The following RRAS2 variants were observed in gnomAD, a reference collection of about 807,000 sequenced individuals.
RRAS2 encodes the protein ras-related protein R-Ras2.
A neutral mutation model predicts 27.6 loss-of-function variants in RRAS2; 7 were observed. The ratio of observed to expected loss-of-function variants is 0.25; its 90% confidence interval spans 0.14 to 0.48. RRAS2 has a LOEUF of 0.48. RRAS2 is among the 20% of genes least tolerant of loss of function. The probability of loss-of-function intolerance (pLI) is 0.99; values close to 1 mark genes in which losing one functional copy is unlikely to be tolerated. For missense variants in RRAS2, 178 were observed against 256.2 expected (o/e 0.69, Z 2.08); for synonymous variants, 86 against 90.9 (o/e 0.95, Z 0.31).
chr11:14,289,142 C>T (rs1368708942), intron 4 of RRAS2, among the ~76,000 whole-genome samples: 1 of 152,128 alleles, frequency 6.6e-6, no homozygotes, highest in Non-Finnish European at 1.5e-5. Context: ...GTTCTTTTTC[C>T]TAGGAGGCTG....
chr11:14,359,640 T>C (rs181936448), upstream of RRAS2, among the ~76,000 whole-genome samples: 49 of 152,272 alleles, frequency 3.2e-4, no homozygotes, highest in African/African-American at 1.1e-3. Flanking sequence ...AATGGGACAG[T>C]GGCTGAGCAT....
In RRAS2 at chr11:14,303,525, C is replaced by T. The variant is rs527885515; in HGVS notation, c.109-7670G>A. On this transcript the variant is annotated intron_variant, in intron 1 of 5. Transcript: ENST00000256196. The stretch of plus-strand genomic sequence containing the variant: ...GCAGAGGCAGGAGGACTGCTTGAGC[C>T]CAGGAGTTTGAGACCGGCCTCAGCG... Among the ~76,000 whole-genome samples, 3 of 152,252 alleles carry T rather than the reference C, an allele frequency of 2.0e-5. No individual in the cohort carries two copies. In the South Asian group the frequency reaches 6.2e-4, roughly 32 times the overall value.
chr11:14,299,389 A>C (rs1456341935), intron 1 of RRAS2, among the ~76,000 whole-genome samples: 1 of 152,196 alleles, frequency 6.6e-6, no homozygotes, highest in African/African-American at 2.4e-5. Flanking sequence ...TACATAAGTA[A>C]AAACCCATCA....
At chr11:14,295,991 A>G (rs1424131956) in intron 1 of RRAS2, 136 bp from the exon 2 acceptor site, 3 of 634,156 alleles carry the variant, frequency 4.7e-6, no homozygotes, top group Admixed American at 2.8e-5. Context: ...TGGGCAACAC[A>G]GCAAGACTCT....
At chr11:14,317,078 G>A (rs1848124242) in intron 1 of RRAS2, among the ~76,000 whole-genome samples, 2 of 152,202 alleles carry the variant, frequency 1.3e-5, no homozygotes, top group Non-Finnish European at 2.9e-5. Flanking sequence ...TGTGGTAAGA[G>A]TAAATTTAGA....
chr11:14,303,110 A>C lies in RRAS2; in HGVS notation c.109-7255T>G, dbSNP rs554492388. On this transcript the variant is annotated intron_variant, in intron 1 of 5. Transcript: ENST00000256196. ...TTGCAATGCTTTCAACACTCCAACCAGAAAACAATCTCAATATTCTCTTAC... is the reference window on the plus strand; with the variant it reads ...TTGCAATGCTTTCAACACTCCAACCCGAAAACAATCTCAATATTCTCTTAC... Among the ~76,000 whole-genome samples the C allele has an allele frequency of 7.9e-5, 12 of 152,352 alleles. No individual in the cohort carries two copies. In the South Asian group the frequency reaches 1.9e-3, roughly 24 times the overall value.
chr11:14,323,185 A>G (rs534829815), intron 1 of RRAS2, among the ~76,000 whole-genome samples: 1 of 152,314 alleles, frequency 6.6e-6, no homozygotes, highest in Non-Finnish European at 1.5e-5. Flanking sequence ...AGTGGCTCAC[A>G]CCTGTAATGC....
intron 4 of RRAS2, among the ~76,000 whole-genome samples, chr11:14,290,566 TCC>T (rs1849784515): frequency 6.6e-6 from 1 of 152,154 alleles, no homozygotes; most frequent in Admixed American, 6.5e-5. Flanking sequence ...TCTTTGCACA[TCC>T]AGAGCCCAAG....
At chr11:14,282,429 T>C (rs1431374) in intron 4 of RRAS2, among the ~76,000 whole-genome samples, 40,429 of 152,032 alleles carry the variant, frequency 0.27, 6,130 homozygotes, top group East Asian at 0.37. Flanking sequence ...GCATAGCTGA[T>C]TGATGTATAA....
chr11:14,321,924 T>C (rs1848232284), intron 1 of RRAS2, among the ~76,000 whole-genome samples: 4 of 152,212 alleles, frequency 2.6e-5, no homozygotes, highest in Non-Finnish European at 5.9e-5. Context: ...TAGTTCATTA[T>C]AATTAACTAC....
At chr11:14,323,629 C>T (rs563349445) in intron 1 of RRAS2, among the ~76,000 whole-genome samples, 64 of 152,160 alleles carry the variant, frequency 4.2e-4, no homozygotes, top group African/African-American at 1.5e-3. Context: ...CAGTATCACA[C>T]AAATTCTTCC....
At chr11:14,343,227 G>A (rs1591485437) in intron 1 of RRAS2, among the ~76,000 whole-genome samples, 1 of 152,148 alleles carries the variant, frequency 6.6e-6, no homozygotes, top group Non-Finnish European at 1.5e-5. Flanking sequence ...ACTTTGCAAT[G>A]ATTTGAGGAA....
In RRAS2 at chr11:14,358,243, GAAA is replaced by G. The variant is rs2134047740; in HGVS notation, c.108+517_108+519del. 1.0e-6 allele frequency: 1 copy of G among 985,476 alleles called. No individual in the cohort carries two copies. Among genetic ancestry groups the G allele is most frequent in the East Asian group, 1.1e-4 (1 of 8,798 alleles). 61.0% of individuals were successfully genotyped at this position (985,476 alleles called of 1,614,324 possible). A position where few individuals can be genotyped will look rare whatever the true frequency, so the allele number is the denominator to read the frequency against. ...AAAAAGAGCGTAACACACACACAAA[GAAA>G]TACACAGTACTTGAAGCGGGCAGCT... On this transcript the variant is annotated intron_variant, in intron 1 of 5. Transcript: ENST00000256196. The surrounding 1 kb of genome is among the most constrained non-coding windows in gnomAD (Gnocchi z 5.1).
chr11:14,350,788 G>A (rs546093812), intron 1 of RRAS2, among the ~76,000 whole-genome samples: 1 of 152,302 alleles, frequency 6.6e-6, no homozygotes, highest in East Asian at 1.9e-4. Flanking sequence ...TGAGCCGCAT[G>A]CCACTCGCAG....
chr11:14,281,778 T>A, intron 4 of RRAS2, 58 bp from the exon 5 acceptor site: 1 of 1,390,156 alleles, frequency 7.2e-7, no homozygotes, highest in Non-Finnish European at 9.9e-7. Flanking sequence ...TTGTTCCATC[T>A]AATCCTGGCC....
intron 1 of RRAS2, among the ~76,000 whole-genome samples, chr11:14,347,813 C>A (rs2134031768): frequency 6.6e-6 from 1 of 151,942 alleles, no homozygotes; most frequent in South Asian, 2.1e-4. Context: ...CAGAGCAAGA[C>A]CCTGTCTTTA....
intron 5 of RRAS2, among the ~76,000 whole-genome samples, chr11:14,281,277 A>G (rs1269835492): frequency 6.6e-6 from 1 of 152,182 alleles, no homozygotes; most frequent in African/African-American, 2.4e-5. Flanking sequence ...GAGGGTGAGG[A>G]TTACATGTAA....
At chr11:14,361,517 G>A (rs1391083431), upstream of RRAS2, among the ~76,000 whole-genome samples, 2 of 152,146 alleles carry the variant, frequency 1.3e-5, no homozygotes, top group Admixed American at 6.5e-5. Flanking sequence ...GCAACAGAGC[G>A]AGACCCTGTC....
At chr11:14,355,346 C>T (rs577440729) in intron 1 of RRAS2, among the ~76,000 whole-genome samples, 158 of 152,258 alleles carry the variant, frequency 1.0e-3, no homozygotes, top group African/African-American at 3.5e-3. Flanking sequence ...TCTGTACCAT[C>T]CTGAAGTCAT....
Sources: gnomAD v4.1 joint callset for allele counts (sites outside exome capture counted in the v4.1 genomes callset) on GRCh38, gnomAD v4.1.1 for gene constraint, Gnocchi (gnomAD v3.1) non-coding constraint, MANE v1.5 for transcripts, NCBI Gene and HGNC (gene_info 2026-07-23, HGNC 2026-07-21) for gene names.